Variants in SV2C observed in about 807,000 individuals in gnomAD.
SV2C encodes synaptic vesicle glycoprotein 2C, also known as solute carrier family 22 member B3.
In SV2C, 49 loss-of-function variants were observed where a neutral mutation model predicts 79.7. The observed-to-expected ratio is 0.61, with a 90% CI of 0.49 to 0.78. SV2C has a LOEUF of 0.78. SV2C is among the 30% of genes least tolerant of loss of function. SV2C has a pLI of 0.00. For synonymous variants in SV2C, 334 were observed against 333.2 expected (o/e 1.00, Z -0.03); for missense variants, 833 against 912.9 (o/e 0.91, Z 1.13).
the SV2C span, among the ~76,000 whole-genome samples, chr5:76,056,778 A>G: frequency 6.6e-6 from 1 of 151,578 alleles, no homozygotes; most frequent in African/African-American, 2.4e-5. Context: ...CTTCTAGATT[A>G]TCTAGTTTAT....
the SV2C span, among the ~76,000 whole-genome samples, chr5:75,984,598 CCTATCTAT>C: frequency 1.2e-5 from 1 of 82,524 alleles, no homozygotes; most frequent in East Asian, 2.1e-4. Context: ...TATCTATCTA[CCTATCTAT>C]CTATCTATCT....
chr5:76,001,690 T>C, the SV2C span, among the ~76,000 whole-genome samples: 1 of 152,226 alleles, frequency 6.6e-6, no homozygotes, highest in African/African-American at 2.4e-5. Flanking sequence ...TGGAAAATTA[T>C]TGGCAGATGT....
intron 2 of SV2C, among the ~76,000 whole-genome samples, chr5:76,193,708 A>G (rs900405869): frequency 2.0e-5 from 3 of 152,196 alleles, no homozygotes; most frequent in African/African-American, 4.8e-5. Flanking sequence ...GAAATGGAAT[A>G]TCAGCCCTGA....
chr5:76,184,519 G>T (rs1389437069), intron 2 of SV2C, among the ~76,000 whole-genome samples: 1 of 152,218 alleles, frequency 6.6e-6, no homozygotes, highest in Non-Finnish European at 1.5e-5. Flanking sequence ...AAGAAAAGAG[G>T]TTTAATTGAC....
At chr5:76,242,806 G>A (rs1347871997) in intron 4 of SV2C, among the ~76,000 whole-genome samples, 1 of 151,848 alleles carries the variant, frequency 6.6e-6, no homozygotes, top group Non-Finnish European at 1.5e-5. Context: ...CCTGAGGTGG[G>A]AGGACTGCTT....
In SV2C at chr5:76,140,627, G is replaced by T. The variant is rs367993392; in HGVS notation, c.580+8297G>T. On this transcript the variant is annotated intron_variant, in intron 2 of 12. Coordinates refer to ENST00000502798, the MANE Select transcript of SV2C (RefSeq NM_014979.4). Reference sequence around the variant, plus strand: ...AGAGTGTGTCTAACCCCTGCTCAGTGCTGCCAGGTAGACCAGCATATCCAA... The same window carrying T: ...AGAGTGTGTCTAACCCCTGCTCAGTTCTGCCAGGTAGACCAGCATATCCAA... 2.8e-4 allele frequency among the ~76,000 whole-genome samples: 42 copies of T among 152,242 alleles called. 1 individual carries two copies. In the South Asian group the frequency reaches 8.3e-3, roughly 30 times the overall value.
intron 12 of SV2C, among the ~76,000 whole-genome samples, chr5:76,347,484 G>A (rs933709992): frequency 6.6e-5 from 10 of 151,880 alleles, no homozygotes; most frequent in Admixed American, 3.3e-4. Flanking sequence ...TCTCTCTGTC[G>A]CCCAAGCTGG....
the SV2C span, among the ~76,000 whole-genome samples, chr5:76,002,823 T>C: frequency 6.6e-6 from 1 of 152,114 alleles, no homozygotes; most frequent in Non-Finnish European, 1.5e-5. Flanking sequence ...AAGATCTGTT[T>C]CTTTTGCATC....
At chr5:75,995,988 T>C in the SV2C span, among the ~76,000 whole-genome samples, 1 of 152,140 alleles carries the variant, frequency 6.6e-6, no homozygotes, top group African/African-American at 2.4e-5. Flanking sequence ...CCAACTCATG[T>C]GCTATATGAG....
chr5:76,273,168 TATAC>T (rs937287210), intron 4 of SV2C, among the ~76,000 whole-genome samples: 12 of 120,216 alleles, frequency 1.0e-4, no homozygotes, highest in African/African-American at 3.2e-4. Context: ...TATATATATA[TATAC>T]ACACATATAT....
At chr5:75,929,690 C>T in the SV2C span, among the ~76,000 whole-genome samples, 1 of 152,058 alleles carries the variant, frequency 6.6e-6, no homozygotes, top group African/African-American at 2.4e-5. Flanking sequence ...CAACATTACA[C>T]AAATAACAAT....
the SV2C span, among the ~76,000 whole-genome samples, chr5:75,909,044 A>G: frequency 2.6e-5 from 4 of 152,222 alleles, no homozygotes; most frequent in African/African-American, 9.6e-5. Context: ...GAAGTTGAAC[A>G]TTACTGTCCT....
rs1396206721 is a variant in SV2C, at chr5:76,291,854, T to A, written c.1335T>A (p.Phe445Leu). 1 of 1,602,684 alleles carries A rather than the reference T, an allele frequency of 6.2e-7. No homozygotes were observed. The highest frequency in any genetic ancestry group is 8.5e-7 in the Non-Finnish European group (1 of 1,172,404). The change falls in exon 8 of 13, where the codon TTT becomes TTA. Residue 445 changes from phenylalanine to leucine, a missense_variant and splice_region_variant. Phe to Leu is a conservative substitution (Grantham distance 22). Coordinates refer to ENST00000502798, the MANE Select transcript of SV2C (RefSeq NM_014979.4). ...CAATTGTTTGGTTCACCCTGTCCTT[T>A]GGGTAAGTGATATTTAAATTCTTGG... is the stretch of plus-strand genomic sequence containing the variant. Reference protein sequence around the residue: ...KLTIVWFTLSFGYYGLSVWFP... With the variant: ...KLTIVWFTLSLGYYGLSVWFP...
At chr5:76,315,636 C>T (rs1056162348) in intron 12 of SV2C, among the ~76,000 whole-genome samples, 2 of 152,048 alleles carry the variant, frequency 1.3e-5, no homozygotes, top group South Asian at 2.1e-4. Context: ...GGAAGGGTAG[C>T]GTGGAGGGAA....
Position 76,295,843 on chromosome 5 carries a change from T to C in SV2C, c.1403T>C (p.Leu468Ser). The C allele has an allele frequency of 6.2e-7, 1 of 1,613,678 alleles. No individual in the cohort carries two copies. The highest frequency in any genetic ancestry group is 1.7e-5 in the Admixed American group (1 of 59,894). ...CCTCTGCAGTCCGATGAATATGCATTGCTAACCAGAAATGTGGAGAGAGAT... is the reference window on the plus strand; with the variant it reads ...CCTCTGCAGTCCGATGAATATGCATCGCTAACCAGAAATGTGGAGAGAGAT... ...IKPLQSDEYA[L>S]LTRNVERDKY... The change falls in exon 9 of 13, where the codon TTG becomes TCG. Residue 468 changes from leucine to serine, a missense_variant. Transcript: ENST00000502798.
chr5:75,920,930 G>T, the SV2C span: 2 of 732,066 alleles, frequency 2.7e-6, no homozygotes, highest in Non-Finnish European at 2.5e-6. Context: ...GTGGATCCTG[G>T]CAAAGCTCTT....
chr5:76,308,536 G>A (rs982044144), intron 12 of SV2C, among the ~76,000 whole-genome samples: 1 of 152,174 alleles, frequency 6.6e-6, no homozygotes, highest in East Asian at 1.9e-4. Context: ...GAGGAGAGAG[G>A]TTATTATCTA....
At chr5:75,889,684 G>A in the SV2C span, among the ~76,000 whole-genome samples, 2 of 152,094 alleles carry the variant, frequency 1.3e-5, no homozygotes, top group Non-Finnish European at 1.5e-5. Flanking sequence ...GGACTTCAAT[G>A]TATGAATTAG....
intron 1 of SV2C, among the ~76,000 whole-genome samples, chr5:76,087,656 G>A (rs1747243307): frequency 6.6e-6 from 1 of 152,198 alleles, no homozygotes; most frequent in Admixed American, 6.5e-5. Context: ...GCTCTGCCAA[G>A]TGAGTCGGAT....
Sources: gnomAD v4.1 joint callset for allele counts (sites outside exome capture counted in the v4.1 genomes callset) on GRCh38, gnomAD v4.1.1 for gene constraint, MANE v1.5 for transcripts, NCBI Gene and HGNC (gene_info 2026-07-23, HGNC 2026-07-21) for gene names.